The following MFSD12 variants were observed in gnomAD, a reference collection of about 807,000 sequenced individuals.
MFSD12 encodes major facilitator superfamily domain containing 12.
A neutral mutation model predicts 51.2 loss-of-function variants in MFSD12; 67 were observed. The ratio of observed to expected loss-of-function variants is 1.31; its 90% CI spans 1.08 to 1.60. The LOEUF (loss-of-function observed/expected upper bound fraction) is 1.60, where lower values mean the gene tolerates loss of function less well. Among genes scored for constraint, MFSD12 ranks in the 40% most tolerant of loss-of-function variants. The probability of loss-of-function intolerance (pLI) is 0.00; values close to 1 mark genes in which losing one functional copy is unlikely to be tolerated. For synonymous variants in MFSD12, 441 were observed against 316.7 expected, an observed-to-expected ratio of 1.39 and a Z score of -4.17; for missense variants, 921 against 673.0, an observed-to-expected ratio of 1.37 and a Z score of -4.08.
chr19:3,547,723 G>T, intron 4 of MFSD12, 125 bp downstream of exon 4: 1 of 1,255,020 alleles, frequency 8.0e-7, no homozygotes, highest in Non-Finnish European at 1.1e-6. Context: ...AGTGACGTTT[G>T]CCCTGGGTGT....
chr19:3,538,668 AT>A, exon 5 of MFSD12: 1 of 404,204 alleles, frequency 2.5e-6, no homozygotes, highest in Admixed American at 3.4e-5. Flanking sequence ...CGCCGTGCTG[AT>A]CCCCTCACCT....
At chr19:3,542,624 C>G (rs1045161287), downstream of MFSD12, 3 of 781,196 alleles carry the variant, frequency 3.8e-6, no homozygotes, top group African/African-American at 3.8e-5. Flanking sequence ...CAGGTGCCCC[C>G]CGCCCCCACA....
chr19:3,551,308 C>CT lies in MFSD12; in HGVS notation c.299-115_299-114insA. 1 of 796,874 alleles carries CT rather than the reference C, an allele frequency of 1.3e-6. No homozygotes were observed. The highest frequency in any genetic ancestry group is 2.0e-6 in the Non-Finnish European group (1 of 512,348). The allele number at this position is 796,874 out of a possible 1,614,324, so 49.4% of individuals were successfully genotyped here. A position where few individuals can be genotyped will look rare whatever the true frequency, so the allele number is the denominator to read the frequency against. On this transcript the variant is annotated intron_variant, in intron 1 of 9. Transcript: ENST00000355415. This position sits in a 1 kb window ranked among gnomAD's most constrained non-coding sequence, Gnocchi z 4.6. ...CTGAGGCACAGATGGAGACGCCCCCCGCATGCACACAGTCACGCAGGAGCG... is the reference window on the plus strand; with the variant it reads ...CTGAGGCACAGATGGAGACGCCCCCCTGCATGCACACAGTCACGCAGGAGCG...
intron 8 of MFSD12, among the ~76,000 whole-genome samples, chr19:3,545,829 C>T (rs559237002): frequency 6.6e-6 from 1 of 152,194 alleles, no homozygotes; most frequent in South Asian, 2.1e-4. Flanking sequence ...CCAGCTGGGC[C>T]CACCCCCGAT....
At chr19:3,542,548 A>G, downstream of MFSD12, 5 of 856,838 alleles carry the variant, frequency 5.8e-6, no homozygotes, top group Non-Finnish European at 7.0e-6. Flanking sequence ...ATCTCAGCTT[A>G]CTGCAAACTC....
chr19:3,548,858 A>G (rs770619970), intron 2 of MFSD12, among the ~76,000 whole-genome samples: 30 of 152,200 alleles, frequency 2.0e-4, no homozygotes, highest in Non-Finnish European at 3.8e-4. Context: ...GGCCCTGGGC[A>G]TTGGGCAACC....
intron 1 of MFSD12, among the ~76,000 whole-genome samples, chr19:3,554,051 C>T (rs957657999): frequency 6.6e-6 from 1 of 151,672 alleles, no homozygotes; most frequent in Middle Eastern, 3.4e-3. Flanking sequence ...CACTGCCTTC[C>T]AGCCCGGGTG....
chr19:3,542,655 G>C, downstream of MFSD12: 1 of 1,121,356 alleles, frequency 8.9e-7, no homozygotes, highest in East Asian at 6.2e-5. Flanking sequence ...CTTAATTTTC[G>C]TATTTTTAGT....
chr19:3,543,338 T>C (rs2030595968), downstream of MFSD12: 2 of 1,549,398 alleles, frequency 1.3e-6, no homozygotes, highest in Non-Finnish European at 1.7e-6. Context: ...CGGCCAGCTG[T>C]GGTACACAGG....
chr19:3,542,926 G>A (rs759833384), downstream of MFSD12: 8 of 1,456,928 alleles, frequency 5.5e-6, no homozygotes, highest in South Asian at 1.1e-5. Flanking sequence ...AGGAATCCAG[G>A]AGTAGCCAGG....
In MFSD12 at chr19:3,547,442, C is replaced by G; in HGVS notation, c.930+13G>C. 1.9e-6 allele frequency: 3 copies of G among 1,612,768 alleles called. No individual in the cohort carries two copies. Among genetic ancestry groups the G allele is most frequent in the Non-Finnish European group, 2.5e-6 (3 of 1,179,782 alleles). On this transcript the variant is annotated intron_variant, in intron 5 of 9. Transcript: ENST00000355415. The stretch of plus-strand genomic sequence containing the variant: ...GCCGTCCCATCCCAGCGTCCCCGCC[C>G]CAATCTGCTCACCTTGGGCAGGTGG...
At chr19:3,542,172 G>A (rs2030472413), downstream of MFSD12, 2 of 985,224 alleles carry the variant, frequency 2.0e-6, no homozygotes, top group South Asian at 9.4e-5. Flanking sequence ...ATTTCAAAAG[G>A]GTGAGGTTCT....
At chr19:3,553,540 G>A (rs372061738) in intron 1 of MFSD12, among the ~76,000 whole-genome samples, 14 of 151,190 alleles carry the variant, frequency 9.3e-5, no homozygotes, top group African/African-American at 2.9e-4. Context: ...AGACCGAGGC[G>A]GGTGGATCAT....
At chr19:3,540,265 G>GTT (rs11431218), downstream of MFSD12, among the ~76,000 whole-genome samples, 74 of 141,128 alleles carry the variant, frequency 5.2e-4, no homozygotes, top group African/African-American at 1.8e-3. Flanking sequence ...GCTAATTTTT[G>GTT]TTTTTTTTTT....
chr19:3,548,809 G>A (rs1010341673), intron 2 of MFSD12, among the ~76,000 whole-genome samples: 11 of 152,262 alleles, frequency 7.2e-5, no homozygotes, highest in Admixed American at 1.3e-4. Flanking sequence ...CACGTAGGAA[G>A]TGCCTGGGGT....
chr19:3,543,532 C>T (rs192214388), downstream of MFSD12: 166 of 1,499,240 alleles, frequency 1.1e-4, no homozygotes, highest in Middle Eastern at 1.7e-3. Context: ...CAGGAATGAC[C>T]GCCAGCCCCC....
In MFSD12 at chr19:3,544,495, G is replaced by A. The variant is rs3194440; in HGVS notation, c.*215C>T. On this transcript the variant is annotated 3_prime_UTR_variant, in exon 10 of 10. Coordinates refer to ENST00000355415, the MANE Select transcript of MFSD12 (RefSeq NM_174983.5). Reference sequence around the variant, plus strand: ...GAGGGCTGGGATGGATTAGAGTTGAGAATGGGACACCCTCAAAACCCAGGG... The same window carrying A: ...GAGGGCTGGGATGGATTAGAGTTGAAAATGGGACACCCTCAAAACCCAGGG... 2 of 1,396,182 alleles carry A rather than the reference G, an allele frequency of 1.4e-6. No individual in the cohort carries two copies. The highest frequency in any genetic ancestry group is 1.9e-6 in the Non-Finnish European group (2 of 1,077,830). 86.5% of individuals were successfully genotyped at this position (1,396,182 alleles called of 1,614,324 possible).
At chr19:3,557,004 C>T in intron 1 of MFSD12, 102 bp downstream of exon 1, 1 of 1,178,864 alleles carries the variant, frequency 8.5e-7, no homozygotes, top group Non-Finnish European at 1.1e-6. Flanking sequence ...GACTCCGATC[C>T]TGAGGCAGGC....
intron 2 of MFSD12, among the ~76,000 whole-genome samples, chr19:3,550,013 G>T (rs1004821859): frequency 6.6e-6 from 1 of 152,058 alleles, no homozygotes; most frequent in Non-Finnish European, 1.5e-5. Flanking sequence ...GGGCTTCCTG[G>T]GATCAGAGAT....
Sources: gnomAD v4.1 joint callset for allele counts (sites outside exome capture counted in the v4.1 genomes callset) on GRCh38, gnomAD v4.1.1 for gene constraint, Gnocchi (gnomAD v3.1) non-coding constraint, MANE v1.5 for transcripts, NCBI Gene and HGNC (gene_info 2026-07-23, HGNC 2026-07-21) for gene names.